Variants in SERGEF observed in about 807,000 individuals in gnomAD.
The protein encoded by SERGEF is secretion regulating guanine nucleotide exchange factor, also known as secretion-regulating guanine nucleotide exchange factor.
In SERGEF, 51 loss-of-function variants were observed where a neutral mutation model predicts 50.0. That is an observed-to-expected ratio of 1.02 (90% CI 0.81 to 1.29). The LOEUF (loss-of-function observed/expected upper bound fraction) is 1.29. SERGEF is among the 50% of genes most tolerant of loss of function. The probability of loss-of-function intolerance (pLI) is 0.00; values close to 1 mark genes in which losing one functional copy is unlikely to be tolerated. For missense variants in SERGEF, 521 were observed against 557.0 expected (o/e 0.94, Z 0.65); for synonymous variants, 205 against 212.4 (o/e 0.97, Z 0.30).
intron 10 of SERGEF, among the ~76,000 whole-genome samples, chr11:17,796,917 A>C (rs182191207): frequency 6.6e-6 from 1 of 152,276 alleles, no homozygotes; most frequent in Admixed American, 6.5e-5. Context: ...CCTTCACACC[A>C]AGATCCACAG....
intron 10 of SERGEF, among the ~76,000 whole-genome samples, chr11:17,850,905 G>A (rs563257649): frequency 1.5e-3 from 230 of 152,264 alleles, no homozygotes; most frequent in Non-Finnish European, 2.6e-3. Context: ...GTTTTCCAGA[G>A]GTTTCTGGTG....
chr11:17,877,377 G>A (rs1851255820), intron 10 of SERGEF, among the ~76,000 whole-genome samples: 1 of 152,144 alleles, frequency 6.6e-6, no homozygotes, highest in African/African-American at 2.4e-5. Flanking sequence ...TATAATATCA[G>A]GTAATAATAA....
intron 9 of SERGEF, among the ~76,000 whole-genome samples, chr11:17,932,117 T>C (rs1006728093): frequency 2.6e-5 from 4 of 152,170 alleles, no homozygotes; most frequent in African/African-American, 9.7e-5. Context: ...CATGTATACA[T>C]ATGTAACAAA....
At chr11:17,878,432 T>TA (rs577558335) in intron 9 of SERGEF, among the ~76,000 whole-genome samples, 188 bp from the exon 10 acceptor site, 1 of 151,724 alleles carries the variant, frequency 6.6e-6, no homozygotes, top group Non-Finnish European at 1.5e-5. Context: ...AAAAAGAAAA[T>TA]AAAAAAAATA....
At chr11:17,851,415 G>A (rs1052827602) in intron 10 of SERGEF, among the ~76,000 whole-genome samples, 1 of 152,096 alleles carries the variant, frequency 6.6e-6, no homozygotes, top group Admixed American at 6.6e-5. Flanking sequence ...ATTATTATGT[G>A]TCTCCTGTGT....
Position 18,008,013 on chromosome 11 carries a change from G to A in SERGEF, c.124C>T (p.Leu42=), listed in dbSNP as rs768577253. Residue 42 remains leucine, a synonymous_variant, in exon 2 of 11, where the codon CTG becomes TTG. Coordinates refer to ENST00000265965, the MANE Select transcript of SERGEF (RefSeq NM_012139.4). ...CTCCTGGGTTTACAGAAGTCATTCA[G>A]TTGCTGGGGCAACAGCACATCTTCC... The part of the protein sequence containing the change: ...HKEDVLLPQQ[L]NDFCKPRSVR... 3.1e-6 allele frequency: 5 copies of A among 1,614,012 alleles called. No individual in the cohort carries two copies. The Admixed American group carries it at 8.3e-5, about 27-fold the overall frequency.
intron 9 of SERGEF, among the ~76,000 whole-genome samples, chr11:17,892,422 GAT>G (rs1318118506): frequency 1.3e-5 from 2 of 152,154 alleles, no homozygotes; most frequent in African/African-American, 4.8e-5. Context: ...TCAATGATGA[GAT>G]ATGTGGAACA....
intron 8 of SERGEF, among the ~76,000 whole-genome samples, chr11:17,964,008 G>A (rs890161963): frequency 6.6e-6 from 1 of 152,114 alleles, no homozygotes; most frequent in Non-Finnish European, 1.5e-5. Context: ...AGAATTTACA[G>A]GGCTTGGCAC....
intron 8 of SERGEF, among the ~76,000 whole-genome samples, chr11:17,979,274 A>G (rs983991341): frequency 2.0e-5 from 3 of 152,220 alleles, no homozygotes; most frequent in Non-Finnish European, 4.4e-5. Context: ...GCAAACCTCA[A>G]GAAATAGTAA....
intron 7 of SERGEF, among the ~76,000 whole-genome samples, chr11:17,990,861 G>T (rs1590237238): frequency 6.6e-6 from 1 of 151,998 alleles, no homozygotes; most frequent in South Asian, 2.1e-4. Context: ...CCGTCACCCG[G>T]GTTCATGCAA....
At chr11:17,803,866 C>T (rs1185104350) in intron 10 of SERGEF, among the ~76,000 whole-genome samples, 1 of 152,172 alleles carries the variant, frequency 6.6e-6, no homozygotes, top group Non-Finnish European at 1.5e-5. Context: ...AAGTTCTAGC[C>T]GAGGGTTCAG....
At chr11:17,949,687 C>G (rs1328367460) in intron 9 of SERGEF, among the ~76,000 whole-genome samples, 1 of 152,056 alleles carries the variant, frequency 6.6e-6, no homozygotes, top group African/African-American at 2.4e-5. Context: ...CAGAGCCAGG[C>G]CACCAACAGC....
intron 8 of SERGEF, among the ~76,000 whole-genome samples, chr11:17,963,410 CAG>C (rs1436761298): frequency 5.6e-5 from 7 of 124,160 alleles, no homozygotes; most frequent in Non-Finnish European, 1.2e-4. Flanking sequence ...TTTTTTGACA[CAG>C]AGTCTTACTG....
chr11:17,956,457 C>T (rs1852873094), intron 9 of SERGEF, among the ~76,000 whole-genome samples: 3 of 152,206 alleles, frequency 2.0e-5, no homozygotes, highest in Admixed American at 2.0e-4. Flanking sequence ...CATAAAGCAG[C>T]AATTGTAACA....
At chr11:17,886,877 G>A (rs1851440070) in intron 9 of SERGEF, among the ~76,000 whole-genome samples, 1 of 152,060 alleles carries the variant, frequency 6.6e-6, no homozygotes, top group South Asian at 2.1e-4. Context: ...TGCTTCCTGG[G>A]GCCAAACCTA....
intron 10 of SERGEF, among the ~76,000 whole-genome samples, chr11:17,824,852 G>T (rs1440572756): frequency 6.6e-6 from 1 of 152,186 alleles, no homozygotes; most frequent in Non-Finnish European, 1.5e-5. Flanking sequence ...CACATTGGGG[G>T]TTAGGGATTT....
intron 9 of SERGEF, among the ~76,000 whole-genome samples, chr11:17,953,684 G>A (rs1333562694): frequency 6.6e-6 from 1 of 152,184 alleles, no homozygotes. Flanking sequence ...TACCCACAAG[G>A]TGCCAGGGAC....
At chr11:17,824,087 A>G (rs1850136180) in intron 10 of SERGEF, among the ~76,000 whole-genome samples, 1 of 152,122 alleles carries the variant, frequency 6.6e-6, no homozygotes, top group South Asian at 2.1e-4. Context: ...GGATCACGAC[A>G]TCAGGAGATT....
intron 9 of SERGEF, among the ~76,000 whole-genome samples, chr11:17,905,263 A>G (rs778119995): frequency 6.6e-6 from 1 of 152,256 alleles, no homozygotes; most frequent in Non-Finnish European, 1.5e-5. Context: ...TCTAACAAAC[A>G]TTGTCTTTAA....
Sources: allele counts gnomAD v4.1 joint callset (sites outside exome capture counted in the v4.1 genomes callset), GRCh38; gene constraint gnomAD v4.1.1; transcripts MANE v1.5; gene names NCBI Gene and HGNC (gene_info 2026-07-23, HGNC 2026-07-21).